The following ESR1 variants were observed in gnomAD, a reference collection of about 807,000 sequenced individuals.
ESR1 encodes estrogen receptor 1.
In ESR1, 12 loss-of-function variants were observed where a neutral mutation model predicts 52.7. The observed-to-expected ratio is 0.23, with a 90% CI of 0.15 to 0.37. ESR1 has a LOEUF of 0.37. Among genes scored for constraint, ESR1 ranks in the 10% least tolerant of loss-of-function variants. ESR1 has a pLI of 1.00. For synonymous variants in ESR1, 305 were observed against 316.8 expected, an observed-to-expected ratio of 0.96 and a Z score of 0.39; for missense variants, 584 against 779.7, an observed-to-expected ratio of 0.75 and a Z score of 2.99.
At position 151,684,751 on chromosome 6, in the gene ESR1, G is replaced by A. The variant is rs117190584; in HGVS notation, n.74-17124G>A. 8.5e-5 allele frequency among the ~76,000 whole-genome samples: 13 copies of A among 152,298 alleles called. No individual in the cohort carries two copies. In the East Asian group the frequency reaches 2.5e-3, roughly 29 times the overall value. On this transcript the variant is annotated intron_variant and non_coding_transcript_variant, in intron 1 of 2. Coordinates refer to the ESR1 transcript ENST00000473497. ...CTTTCTGGTTCTTCCTTCCTGCGGG[G>A]CCAGGTGAACAGGCAGGTGCTGAAT...
rs1784863580 is a variant in ESR1, at chr6:151,844,839, C to A, written c.643+2052C>A. 2.0e-5 allele frequency among the ~76,000 whole-genome samples: 3 copies of A among 151,390 alleles called. No individual in the cohort carries two copies. In the South Asian group the frequency reaches 6.3e-4, roughly 32 times the overall value. ...AAGTGTAAGACATAATCCATAATAC[C>A]ACAAAATTTAAAATGTATTTAGGAA... is the stretch of plus-strand genomic sequence containing the variant. On this transcript the variant is annotated intron_variant, in intron 2 of 7. Transcript: ENST00000206249.
At chr6:151,981,974 A>G (rs539039602) in intron 4 of ESR1, among the ~76,000 whole-genome samples, 47 of 152,380 alleles carry the variant, frequency 3.1e-4, no homozygotes, top group African/African-American at 1.1e-3. Flanking sequence ...TTCATCCTCT[A>G]CATAGTGTTA....
rs148142501 is a variant in ESR1 at position 151,971,284 on chromosome 6, A to C, written c.1096+26776A>C. Among the ~76,000 whole-genome samples, 675 of 152,188 alleles carry C rather than the reference A, an allele frequency of 4.4e-3. 5 individuals carry two copies. Among genetic ancestry groups the C allele is most frequent in the Middle Eastern group, 6.8e-3 (2 of 294 alleles). On this transcript the variant is annotated intron_variant, in intron 4 of 7. Transcript: ENST00000206249. ...GTGGTGATTTCTGAGATTTTGGTGC[A>C]TCCATCACACGAGCGGTGTACACTG...
chr6:151,750,494 T>C (rs1420233186), intron 2 of ESR1, among the ~76,000 whole-genome samples: 2 of 152,172 alleles, frequency 1.3e-5, no homozygotes, highest in Non-Finnish European at 2.9e-5. Context: ...GCAAGGAGCC[T>C]AATTCTTTAG....
intron 6 of ESR1, among the ~76,000 whole-genome samples, chr6:152,067,019 A>G (rs2048013312): frequency 6.6e-6 from 1 of 152,204 alleles, no homozygotes; most frequent in Non-Finnish European, 1.5e-5. Flanking sequence ...CTCCAAATAC[A>G]AAGCCTTAGT....
intron 1 of ESR1, among the ~76,000 whole-genome samples, chr6:151,665,860 GCAC>G (rs1391937706): frequency 6.6e-6 from 1 of 152,170 alleles, no homozygotes; most frequent in African/African-American, 2.4e-5. Context: ...CAAGAATTTT[GCAC>G]CATTCTAGTT....
At chr6:151,850,718 G>A (rs927518450) in intron 2 of ESR1, among the ~76,000 whole-genome samples, 1 of 151,954 alleles carries the variant, frequency 6.6e-6, no homozygotes, top group Non-Finnish European at 1.5e-5. Context: ...TCCGGCATCC[G>A]TACTTCAAAC....
At chr6:151,963,079 C>T (rs2037858170) in intron 4 of ESR1, among the ~76,000 whole-genome samples, 1 of 152,062 alleles carries the variant, frequency 6.6e-6, no homozygotes, top group Non-Finnish European at 1.5e-5. Context: ...TTCCTCCATT[C>T]ATGCCTTCCT....
intron 4 of ESR1, among the ~76,000 whole-genome samples, chr6:152,011,197 A>G (rs556974578): frequency 6.6e-6 from 1 of 152,292 alleles, no homozygotes; most frequent in South Asian, 2.1e-4. Flanking sequence ...TTTAGGGACG[A>G]AGCAAAGAAA....
At chr6:151,892,476 T>C (rs1441049414) in intron 3 of ESR1, among the ~76,000 whole-genome samples, 1 of 152,110 alleles carries the variant, frequency 6.6e-6, no homozygotes, top group East Asian at 1.9e-4. Context: ...TTTGATGCTT[T>C]CATGATAGTG....
intron 2 of ESR1, among the ~76,000 whole-genome samples, chr6:151,792,978 G>A (rs902869984): frequency 2.6e-5 from 4 of 151,998 alleles, no homozygotes. Context: ...AGACCATCCT[G>A]GCTAACACGG....
intron 4 of ESR1, among the ~76,000 whole-genome samples, chr6:151,988,416 G>A (rs1276182244): frequency 1.3e-5 from 2 of 152,084 alleles, no homozygotes; most frequent in Non-Finnish European, 2.9e-5. Context: ...TGCGAGCAAT[G>A]GGAGTGGCTG....
chr6:152,034,614 T>G (rs1231590721), intron 5 of ESR1, among the ~76,000 whole-genome samples: 2 of 152,134 alleles, frequency 1.3e-5, no homozygotes, highest in Non-Finnish European at 2.9e-5. Context: ...ATTTCTGAGT[T>G]TTCTGTTTCT....
At chr6:151,955,360 A>G (rs1331483719) in intron 4 of ESR1, among the ~76,000 whole-genome samples, 1 of 152,232 alleles carries the variant, frequency 6.6e-6, no homozygotes, top group Non-Finnish European at 1.5e-5. Flanking sequence ...AACTGCATAC[A>G]TAAAAAGGGT....
intron 1 of ESR1, among the ~76,000 whole-genome samples, chr6:151,840,289 T>G (rs2128229600): frequency 6.6e-6 from 1 of 152,278 alleles, no homozygotes; most frequent in East Asian, 1.9e-4. Context: ...AAACAAGCAA[T>G]AAAAAGATTT....
chr6:151,696,009 G>C (rs1779306238), intron 1 of ESR1, among the ~76,000 whole-genome samples: 1 of 152,124 alleles, frequency 6.6e-6, no homozygotes, highest in African/African-American at 2.4e-5. Context: ...TTTTCTGAAA[G>C]AATATTTAAG....
intron 3 of ESR1, among the ~76,000 whole-genome samples, chr6:151,941,015 A>ACGTTT (rs1385932857): frequency 2.0e-5 from 3 of 152,186 alleles, no homozygotes; most frequent in Admixed American, 6.5e-5. Context: ...TGGTAATACT[A>ACGTTT]CGTTTCGTTT....
At chr6:151,774,699 G>A (rs761778548) in intron 2 of ESR1, among the ~76,000 whole-genome samples, 4 of 152,268 alleles carry the variant, frequency 2.6e-5, no homozygotes, top group Non-Finnish European at 4.4e-5. Flanking sequence ...CCATGGTGTT[G>A]AACATTCGTA....
intron 2 of ESR1, among the ~76,000 whole-genome samples, chr6:151,860,057 T>C (rs1310758792): frequency 8.5e-5 from 13 of 152,172 alleles, no homozygotes; most frequent in Admixed American, 8.5e-4. Context: ...GCAGAGAAAA[T>C]AATTTAACAT....
Sources: allele counts gnomAD v4.1 joint callset (sites outside exome capture counted in the v4.1 genomes callset), GRCh38; gene constraint gnomAD v4.1.1; transcripts MANE v1.5; gene names NCBI Gene and HGNC (gene_info 2026-07-23, HGNC 2026-07-21).